Variants in PDE1A observed in about 807,000 individuals in gnomAD.
The protein encoded by PDE1A is dual specificity calcium/calmodulin-dependent 3',5'-cyclic nucleotide phosphodiesterase 1A.
A neutral mutation model predicts 61.7 loss-of-function variants in PDE1A; 35 were observed. The ratio of observed to expected loss-of-function variants is 0.57; its 90% CI spans 0.43 to 0.75. The LOEUF (loss-of-function observed/expected upper bound fraction) is 0.75, where lower values mean the gene tolerates loss of function less well. Among genes scored for constraint, PDE1A ranks in the 30% least tolerant of loss-of-function variants. PDE1A has a pLI of 0.00. For missense variants in PDE1A, 597 were observed against 630.6 expected, an observed-to-expected ratio of 0.95 and a Z score of 0.57; for synonymous variants, 232 against 213.2, an observed-to-expected ratio of 1.09 and a Z score of -0.77.
intron 1 of PDE1A, among the ~76,000 whole-genome samples, chr2:182,419,090 A>G (rs2125569464): frequency 6.6e-6 from 1 of 152,196 alleles, no homozygotes; most frequent in African/African-American, 2.4e-5. Flanking sequence ...AAAACATTGT[A>G]CTGATAGGAA....
chr2:182,705,982 GGTCA>G, the PDE1A span, among the ~76,000 whole-genome samples: 1 of 152,178 alleles, frequency 6.6e-6, no homozygotes, highest in Non-Finnish European at 1.5e-5. Context: ...AAGATTTTGT[GGTCA>G]GTTATGCAAC....
the PDE1A span, among the ~76,000 whole-genome samples, chr2:182,575,805 TATTA>T: frequency 1.5e-4 from 22 of 146,774 alleles, no homozygotes; most frequent in African/African-American, 2.5e-5. Flanking sequence ...TATTATTAAT[TATTA>T]ATTACTTAGT....
chr2:182,232,793 A>G (rs1043447038), intron 4 of PDE1A, among the ~76,000 whole-genome samples: 1 of 152,232 alleles, frequency 6.6e-6, no homozygotes, highest in Admixed American at 6.5e-5. Flanking sequence ...GACTCTTAGA[A>G]GGTTGCTATT....
chr2:182,619,679 T>C, the PDE1A span, among the ~76,000 whole-genome samples: 4 of 152,330 alleles, frequency 2.6e-5, no homozygotes, highest in East Asian at 7.7e-4. Flanking sequence ...AATTTCCTTT[T>C]GACACATAAG....
intron 13 of PDE1A, among the ~76,000 whole-genome samples, chr2:182,155,134 T>C (rs1340609367): frequency 6.7e-6 from 1 of 148,826 alleles, no homozygotes; most frequent in Non-Finnish European, 1.5e-5. Context: ...TTACCCAGGC[T>C]GGAGTGCAAT....
At chr2:182,713,964 T>TATAGGG in the PDE1A span, among the ~76,000 whole-genome samples, 1 of 152,250 alleles carries the variant, frequency 6.6e-6, no homozygotes, top group African/African-American at 2.4e-5. Context: ...CTAAGGTCCC[T>TATAGGG]ATAACCTCCT....
the PDE1A span, among the ~76,000 whole-genome samples, chr2:182,611,007 C>A: frequency 6.6e-6 from 1 of 152,168 alleles, no homozygotes; most frequent in Non-Finnish European, 1.5e-5. Context: ...TTTGACTCCT[C>A]ATTTGTCGTC....
At chr2:182,488,253 T>G (rs1475751359) in intron 2 of PDE1A, among the ~76,000 whole-genome samples, 1 of 152,232 alleles carries the variant, frequency 6.6e-6, no homozygotes, top group Non-Finnish European at 1.5e-5. Flanking sequence ...TTAACCAGTT[T>G]GGTTCAATTA....
At chr2:182,285,658 G>T (rs543414450) in intron 1 of PDE1A, among the ~76,000 whole-genome samples, 3 of 152,224 alleles carry the variant, frequency 2.0e-5, no homozygotes, top group African/African-American at 7.2e-5. Flanking sequence ...TGAAACAAGT[G>T]GCAGCCTTAA....
At chr2:182,140,875 T>G in exon 15 of PDE1A, 1 of 68,608 alleles carries the variant, frequency 1.5e-5, no homozygotes, top group Non-Finnish European at 2.7e-5. Flanking sequence ...AAGGAGGGAG[T>G]ATAGCAGATA....
chr2:182,579,394 A>G, the PDE1A span, among the ~76,000 whole-genome samples: 2 of 152,238 alleles, frequency 1.3e-5, no homozygotes. Flanking sequence ...CATATAATAC[A>G]TGGACAATAA....
chr2:182,432,640 C>A (rs534776552), intron 2 of PDE1A, among the ~76,000 whole-genome samples: 1 of 152,052 alleles, frequency 6.6e-6, no homozygotes, highest in Middle Eastern at 3.2e-3. Flanking sequence ...TATATAAATA[C>A]ATATTCTTTT....
intron 7 of PDE1A, among the ~76,000 whole-genome samples, chr2:182,218,171 AAAAAACCAAACACCG>A (rs1688381493): frequency 6.7e-6 from 1 of 150,358 alleles, no homozygotes; most frequent in African/African-American, 2.5e-5. Flanking sequence ...TCCCAAGAAC[AAAAAACCAAACACCG>A]CATATTCTCA....
At chr2:182,384,688 G>A (rs1448710376) in intron 1 of PDE1A, among the ~76,000 whole-genome samples, 1 of 151,712 alleles carries the variant, frequency 6.6e-6, no homozygotes, top group Non-Finnish European at 1.5e-5. Flanking sequence ...CATCAAAAGA[G>A]CAAATATTCC....
At chr2:182,209,525 ATATGGTTTGGATCTGTGTCCCCC>A (rs1038475581) in intron 7 of PDE1A, among the ~76,000 whole-genome samples, 15 of 151,134 alleles carry the variant, frequency 9.9e-5, no homozygotes, top group African/African-American at 3.4e-4. Flanking sequence ...ATATTATTTG[ATATGGTTTGGATCTGTGTCCCCC>A]GCCCAAATCT....
the PDE1A span, among the ~76,000 whole-genome samples, chr2:182,651,971 A>G: frequency 0.15 from 23,538 of 152,154 alleles, 2,412 homozygotes; most frequent in African/African-American, 0.29. Flanking sequence ...GGGATCCAAC[A>G]TACTTAGCTC....
chr2:182,519,176 T>C (rs1168789082), intron 2 of PDE1A, among the ~76,000 whole-genome samples: 2 of 152,096 alleles, frequency 1.3e-5, no homozygotes, highest in African/African-American at 4.8e-5. Flanking sequence ...AGGTCCCAAA[T>C]TCATAAGAAA....
In PDE1A at chr2:182,502,833, T is replaced by C. The variant is rs142207655; in HGVS notation, c.101+19443A>G. 3.3e-5 allele frequency among the ~76,000 whole-genome samples: 5 copies of C among 152,330 alleles called. No homozygotes were observed. In the East Asian group the frequency reaches 9.6e-4, roughly 29 times the overall value. On this transcript the variant is annotated intron_variant, in intron 2 of 14. Transcript: ENST00000410103. ...ATTAAGTGAATACTTATATGTTTTG[T>C]TGCAGATTTGTGCCTATGGAGCTAC...
chr2:182,644,569 T>C, the PDE1A span, among the ~76,000 whole-genome samples: 1 of 152,034 alleles, frequency 6.6e-6, no homozygotes, highest in East Asian at 1.9e-4. Flanking sequence ...GTGGAATGAG[T>C]TACTAAACTA....
Sources: allele counts gnomAD v4.1 joint callset (sites outside exome capture counted in the v4.1 genomes callset), GRCh38; gene constraint gnomAD v4.1.1; transcripts MANE v1.5; gene names NCBI Gene and HGNC (gene_info 2026-07-23, HGNC 2026-07-21).